XIAP: variants seen among roughly 807,000 people sequenced by gnomAD.
The protein encoded by XIAP is E3 ubiquitin-protein ligase XIAP.
A neutral mutation model predicts 33.1 loss-of-function variants in XIAP; 3 were observed. The ratio of observed to expected loss-of-function variants is 0.09; its 90% confidence interval spans 0.04 to 0.23. The LOEUF (loss-of-function observed/expected upper bound fraction) is 0.23. Ranked by LOEUF, XIAP falls within the 10% of genes least tolerant of loss-of-function variation. The probability of loss-of-function intolerance (pLI) is 1.00; values close to 1 mark genes in which losing one functional copy is unlikely to be tolerated. For missense variants in XIAP, 264 were observed against 363.0 expected (o/e 0.73, Z 2.22); for synonymous variants, 98 against 121.3 (o/e 0.81, Z 1.26).
At position 123,911,603 on chromosome X, in the gene XIAP, A is replaced by G. The variant is rs963263178; in HGVS notation, c.*4422A>G. On this transcript the variant is annotated 3_prime_UTR_variant, in exon 7 of 7. Coordinates refer to ENST00000371199, the MANE Select transcript of XIAP (RefSeq NM_001167.4). ...AGAGGCAGGAGGATCACTTGAGCCC[A>G]TGAATTTGAGGCAGCAGTGAGCTAT... is the stretch of plus-strand genomic sequence containing the variant. The G allele has an allele frequency of 3.2e-6, 1 of 316,080 alleles. No homozygotes were observed. The highest frequency in any genetic ancestry group is 2.7e-5 in the African/African-American group (1 of 37,246). The allele number at this position is 316,080 out of a possible 1,213,427, so 26.0% of individuals were successfully genotyped here.
rs1399185939 is a variant in XIAP at position 123,908,956 on chromosome X, T to C, written c.*1775T>C. On this transcript the variant is annotated 3_prime_UTR_variant, in exon 7 of 7. Transcript: ENST00000371199. Reference sequence around the variant, plus strand: ...TTGTACTTTCTAAGAGAAAGAGTATTGTTATGTTCTCCTAACTTCTGTTGA... The same window carrying C: ...TTGTACTTTCTAAGAGAAAGAGTATCGTTATGTTCTCCTAACTTCTGTTGA... The C allele has an allele frequency of 2.9e-6, 1 of 342,845 alleles. No individual in the cohort carries two copies. The highest frequency in any genetic ancestry group is 2.8e-5 in the South Asian group (1 of 36,273). 28.3% of individuals were successfully genotyped at this position (342,845 alleles called of 1,213,427 possible).
chrX:123,888,689 T>C lies in XIAP; in HGVS notation c.948T>C (p.Pro316=). The C allele has an allele frequency of 8.3e-7, 1 of 1,211,568 alleles. No individual in the cohort carries two copies. The highest frequency in any genetic ancestry group is 1.1e-6 in the Non-Finnish European group (1 of 895,103). ...GLTDWKPSED[P]WEQHAKWYPG... ...CTGATTGGAAGCCCAGTGAAGACCC[T>C]TGGGAACAACATGCTAAATGGTATC... is the stretch of plus-strand genomic sequence containing the variant. The change falls in exon 3 of 7, where the codon CCT becomes CCC. Residue 316 remains proline (P), a synonymous_variant. Coordinates refer to ENST00000371199, the MANE Select transcript of XIAP (RefSeq NM_001167.4).
Position 123,885,987 on chromosome X carries a change from G to A in XIAP, c.325G>A (p.Gly109Ser). 8.3e-7 allele frequency: 1 copy of A among 1,211,678 alleles called. No individual in the cohort carries two copies. Among genetic ancestry groups the A allele is most frequent in the East Asian group, 3.0e-5 (1 of 33,876 alleles). Residue 109 changes from glycine to serine, a missense_variant, in exon 2 of 7, where the codon GGT becomes AGT. Transcript: ENST00000371199. ...ENSATQSTNSGIQNGQYKVEN... is the reference protein window; with the variant it reads ...ENSATQSTNSSIQNGQYKVEN... ...TAGTGCCACGCAGTCTACAAATTCT[G>A]GTATCCAGAATGGTCAGTACAAAGT... is the stretch of plus-strand genomic sequence containing the variant.
chrX:123,868,122 G>T (rs1380968251), intron 1 of XIAP, among the ~76,000 whole-genome samples: 2 of 111,174 alleles, frequency 1.8e-5, no homozygotes, highest in Non-Finnish European at 3.8e-5. Context: ...GATTGTTTGA[G>T]ACCAGCCTGG....
chrX:123,878,223 A>G (rs2053264957), intron 1 of XIAP, among the ~76,000 whole-genome samples: 1 of 111,843 alleles, frequency 8.9e-6, no homozygotes, highest in Admixed American at 9.6e-5. Flanking sequence ...TATTTTAATA[A>G]CATTTTGACA....
chrX:123,903,825 C>T (rs182554954), intron 6 of XIAP, among the ~76,000 whole-genome samples: 52 of 108,286 alleles, frequency 4.8e-4, no homozygotes, highest in Non-Finnish European at 7.8e-4. Context: ...TGGTGGCACA[C>T]GCCTGTAGTT....
intron 1 of XIAP, among the ~76,000 whole-genome samples, chrX:123,868,193 G>C (rs2053161931): frequency 9.1e-6 from 1 of 109,849 alleles, no homozygotes; most frequent in Non-Finnish European, 1.9e-5. Flanking sequence ...GTGATGGCAC[G>C]CGCCTGTGAA....
At chrX:123,900,344 C>G in intron 5 of XIAP, 149 bp from the exon 6 acceptor site, 1 of 502,816 alleles carries the variant, frequency 2.0e-6, no homozygotes, top group Non-Finnish European at 3.3e-6. Flanking sequence ...AAAAAATCTT[C>G]CCAAAGCAGC....
intron 4 of XIAP, 133 bp downstream of exon 4, chrX:123,891,449 A>G: frequency 3.0e-6 from 1 of 334,974 alleles, no homozygotes; most frequent in South Asian, 7.8e-5. Flanking sequence ...AGTATTATAA[A>G]TCAATATATG....
At chrX:123,862,856 G>GAA (rs111374988) in intron 1 of XIAP, among the ~76,000 whole-genome samples, 1 of 97,931 alleles carries the variant, frequency 1.0e-5, no homozygotes. Context: ...CCTTTGTCCC[G>GAA]AAAAAAAAAA....
intron 1 of XIAP, among the ~76,000 whole-genome samples, chrX:123,880,707 A>G (rs2053293684): frequency 1.0e-5 from 1 of 99,359 alleles, no homozygotes; most frequent in Admixed American, 1.2e-4. Context: ...ATTTCACTCC[A>G]GCCTGGGCCA....
At position 123,907,434 on chromosome X, in the gene XIAP, C is replaced by A; in HGVS notation, c.*253C>A. 1 of 444,478 alleles carries A rather than the reference C, an allele frequency of 2.2e-6. No individual in the cohort carries two copies. Among genetic ancestry groups the A allele is most frequent in the Non-Finnish European group, 4.0e-6 (1 of 249,970 alleles). 36.6% of individuals were successfully genotyped at this position (444,478 alleles called of 1,213,427 possible). ...TAGACTAAGAATAAGAAGCATCATA[C>A]TATAACTGAACACAATGTGTATTCA... On this transcript the variant is annotated 3_prime_UTR_variant, in exon 7 of 7. Transcript: ENST00000371199.
In XIAP at chrX:123,910,023, A is replaced by C. The variant is rs1406468113; in HGVS notation, c.*2842A>C. 1 of 327,145 alleles carries C rather than the reference A, an allele frequency of 3.1e-6. No homozygotes were observed. Among genetic ancestry groups the C allele is most frequent in the African/African-American group, 2.7e-5 (1 of 37,463 alleles). The allele number at this position is 327,145 out of a possible 1,213,427, so 27.0% of individuals were successfully genotyped here. ...ACTATTCCTTTTCTGTATAAAGTTC[A>C]CTCTAGGATTTCAAGTCACCACTTA... On this transcript the variant is annotated 3_prime_UTR_variant, in exon 7 of 7. Coordinates refer to ENST00000371199, the MANE Select transcript of XIAP (RefSeq NM_001167.4).
At chrX:123,864,635 AGTGTGTGTGTGT>A (rs748255094) in intron 1 of XIAP, among the ~76,000 whole-genome samples, 63 of 84,661 alleles carry the variant, frequency 7.4e-4, no homozygotes, top group Middle Eastern at 6.3e-3. Context: ...CCCGGCTTAG[AGTGTGTGTGTGT>A]GTGTGTGTGT....
Position 123,886,481 on chromosome X carries a change from G to A in XIAP, c.819G>A (p.Gly273=), listed in dbSNP as rs2148090248. 1 of 1,207,156 alleles carries A rather than the reference G, an allele frequency of 8.3e-7. No homozygotes were observed. Among genetic ancestry groups the A allele is most frequent in the Middle Eastern group, 2.3e-4 (1 of 4,342 alleles). Residue 273 remains glycine (G), a synonymous_variant, in exon 2 of 7, where the codon GGG becomes GGA. Transcript: ENST00000371199. The stretch of plus-strand genomic sequence containing the variant: ...ATGAAGCACGGATCTTTACTTTTGG[G>A]ACATGGATATACTCAGTTAACAAGG... The part of the protein sequence containing the change: ...ADYEARIFTF[G]TWIYSVNKEQ...
intron 1 of XIAP, among the ~76,000 whole-genome samples, chrX:123,872,153 C>T (rs1047818931): frequency 3.6e-5 from 4 of 110,655 alleles, no homozygotes; most frequent in Admixed American, 9.8e-5. Flanking sequence ...CTGAGCTGCT[C>T]GTTTTGTTAA....
At chrX:123,906,822 A>G (rs1017024502) in intron 6 of XIAP, among the ~76,000 whole-genome samples, 166 bp from the exon 7 acceptor site, 2 of 111,838 alleles carry the variant, frequency 1.8e-5, no homozygotes, top group Admixed American at 9.6e-5. Context: ...ATCCTCTCCC[A>G]CTAGCGTGTG....
chrX:123,909,964 C>A lies in XIAP; in HGVS notation c.*2783C>A, dbSNP rs1208493291. 1 of 329,661 alleles carries A rather than the reference C, an allele frequency of 3.0e-6. No homozygotes were observed. The highest frequency in any genetic ancestry group is 3.1e-5 in the Admixed American group (1 of 32,238). The allele number at this position is 329,661 out of a possible 1,213,427, so 27.2% of individuals were successfully genotyped here. A position where few individuals can be genotyped will look rare whatever the true frequency, so the allele number is the denominator to read the frequency against. On this transcript the variant is annotated 3_prime_UTR_variant, in exon 7 of 7. Transcript: ENST00000371199. The stretch of plus-strand genomic sequence containing the variant: ...AACTATAGCCATATCCAAATCTTTT[C>A]CCCCTCCCAAGAGTTCTCAGTGTCT...
Position 123,912,398 on chromosome X carries a change from G to C in XIAP, c.*5217G>C. On this transcript the variant is annotated 3_prime_UTR_variant, in exon 7 of 7. Transcript: ENST00000371199. ...TAAACCAACCTAATATATTGTATTA[G>C]GTATTAAAGTCATCTGGACATGAAT... 3.1e-6 allele frequency: 1 copy of C among 326,192 alleles called. No homozygotes were observed. 26.9% of individuals were successfully genotyped at this position (326,192 alleles called of 1,213,427 possible).
Sources: allele counts gnomAD v4.1 joint callset (sites outside exome capture counted in the v4.1 genomes callset), GRCh38; gene constraint gnomAD v4.1.1; transcripts MANE v1.5; gene names NCBI Gene and HGNC (gene_info 2026-07-23, HGNC 2026-07-21).